The following SPHKAP variants were observed in gnomAD, a reference collection of about 807,000 sequenced individuals.
The protein encoded by SPHKAP is SPHK1 interactor, AKAP domain containing.
SPHKAP carries 67 observed loss-of-function variants against 137.5 expected under a neutral mutation model. The observed-to-expected ratio is 0.49, with a 90% CI of 0.40 to 0.60. SPHKAP has a LOEUF of 0.60. Among genes scored for constraint, SPHKAP ranks in the 20% least tolerant of loss-of-function variants. The pLI, the probability that SPHKAP is intolerant of heterozygous loss-of-function variation, is 0.00. For missense variants in SPHKAP, 2,097 were observed against 2,069.3 expected (o/e 1.01, Z -0.26); for synonymous variants, 813 against 785.3 (o/e 1.04, Z -0.59).
chr2:228,052,092 G>T (rs1166752710), intron 3 of SPHKAP, among the ~76,000 whole-genome samples: 4 of 152,002 alleles, frequency 2.6e-5, no homozygotes, highest in East Asian at 3.9e-4. Flanking sequence ...TATAATAAAA[G>T]GTGGTGTGGA....
rs541891077 is a variant in SPHKAP, at chr2:228,086,652, C to T, written c.246+22180G>A. 4.6e-5 allele frequency among the ~76,000 whole-genome samples: 7 copies of T among 152,210 alleles called. No individual in the cohort carries two copies. In the East Asian group the frequency reaches 9.7e-4, roughly 21 times the overall value. ...AGGTTCCACACTAAGAAAGTCAAAC[C>T]GGACCTCGGAGGATACCAGTCTACC... On this transcript the variant is annotated intron_variant, in intron 3 of 11. Coordinates refer to ENST00000392056, the MANE Select transcript of SPHKAP (RefSeq NM_001142644.2).
intron 1 of SPHKAP, among the ~76,000 whole-genome samples, chr2:228,177,483 G>C (rs1359569827): frequency 6.6e-6 from 1 of 152,148 alleles, no homozygotes. Context: ...ACTTGTCCCT[G>C]TTCCTCAACT....
chr2:228,028,672 GT>G (rs1695157191), intron 3 of SPHKAP, among the ~76,000 whole-genome samples: 1 of 152,170 alleles, frequency 6.6e-6, no homozygotes, highest in Admixed American at 6.5e-5. Context: ...TGCTGTACAG[GT>G]TTATAGCCTA....
At chr2:228,150,048 T>C (rs948427802) in intron 1 of SPHKAP, among the ~76,000 whole-genome samples, 10 of 152,222 alleles carry the variant, frequency 6.6e-5, no homozygotes, top group Admixed American at 5.9e-4. Context: ...AGATACTGTT[T>C]ATTAAGTTAA....
Position 228,002,999 on chromosome 2 carries a change from C to T in SPHKAP, c.4449-7305G>A, listed in dbSNP as rs548280314. On this transcript the variant is annotated intron_variant, in intron 7 of 11. Coordinates refer to ENST00000392056, the MANE Select transcript of SPHKAP (RefSeq NM_001142644.2). ...TGTAGTATAGTTTGAAGTCAGGCAG[C>T]GTGATGCCTCCAGCTTTGTTCTTTT... Among the ~76,000 whole-genome samples the T allele has an allele frequency of 8.7e-3, 1,329 of 152,248 alleles. 18 individuals carry two copies. Among genetic ancestry groups the T allele is most frequent in the African/African-American group, 0.021 (880 of 41,538 alleles).
intron 3 of SPHKAP, among the ~76,000 whole-genome samples, chr2:228,096,323 G>A (rs1697981676): frequency 6.6e-6 from 1 of 152,040 alleles, no homozygotes; most frequent in Admixed American, 6.6e-5. Flanking sequence ...CACTCTTTTG[G>A]TTGAGTTTTC....
intron 2 of SPHKAP, among the ~76,000 whole-genome samples, chr2:228,112,482 G>A (rs572397190): frequency 2.6e-5 from 4 of 152,204 alleles, no homozygotes; most frequent in South Asian, 2.1e-4. Flanking sequence ...GTCACTTATC[G>A]GTATCAGCCT....
chr2:227,981,521 G>T lies in SPHKAP; in HGVS notation c.*196C>A. On this transcript the variant is annotated 3_prime_UTR_variant, in exon 12 of 12. Transcript: ENST00000392056. ...GCTCTTTGGAACTCACCCACAAGTT[G>T]TATGAATTTGGACAGACCTATATTT... 2.0e-6 allele frequency: 1 copy of T among 489,742 alleles called. No individual in the cohort carries two copies. The highest frequency in any genetic ancestry group is 3.3e-6 in the Non-Finnish European group (1 of 299,864). 30.3% of individuals were successfully genotyped at this position (489,742 alleles called of 1,614,324 possible).
At chr2:228,099,781 G>A (rs916892629) in intron 3 of SPHKAP, among the ~76,000 whole-genome samples, 1 of 151,034 alleles carries the variant, frequency 6.6e-6, no homozygotes, top group Non-Finnish European at 1.5e-5. Flanking sequence ...GTGTGTGTTT[G>A]TGTGTGTGTG....
rs1219788185 is a variant in SPHKAP, at chr2:228,181,028, G to T, written c.32+539C>A. ...GGACTGTGGGACTGCAGGGGACCTA[G>T]GTGTTTTCTGCCCTGTCTTAAGATC... On this transcript the variant is annotated intron_variant, in intron 1 of 11. Coordinates refer to ENST00000392056, the MANE Select transcript of SPHKAP (RefSeq NM_001142644.2). This position sits in a 1 kb window ranked among gnomAD's most constrained non-coding sequence, Gnocchi z 4.3. Among the ~76,000 whole-genome samples, 1 of 152,048 alleles carries T rather than the reference G, an allele frequency of 6.6e-6. No individual in the cohort carries two copies. Among genetic ancestry groups the T allele is most frequent in the Non-Finnish European group, 1.5e-5 (1 of 68,012 alleles).
At chr2:228,062,742 CATA>C (rs1350012220) in intron 3 of SPHKAP, among the ~76,000 whole-genome samples, 1 of 152,000 alleles carries the variant, frequency 6.6e-6, no homozygotes, top group African/African-American at 2.4e-5. Flanking sequence ...AAAACAAAAT[CATA>C]ATATTAGAAA....
intron 1 of SPHKAP, among the ~76,000 whole-genome samples, chr2:228,153,360 T>C (rs1296418909): frequency 2.6e-5 from 4 of 152,224 alleles, no homozygotes; most frequent in South Asian, 2.1e-4. Context: ...ACACATCATA[T>C]CTGAGATTGT....
Position 228,093,602 on chromosome 2 carries a change from G to A in SPHKAP, c.246+15230C>T, listed in dbSNP as rs147068081. On this transcript the variant is annotated intron_variant, in intron 3 of 11. Transcript: ENST00000392056. ...TAGCCAGGTGTAGTGGCTCATACCT[G>A]TAATCACAGCACTTTGGGAGGCTGA... 4.0e-3 allele frequency among the ~76,000 whole-genome samples: 614 copies of A among 152,158 alleles called. 6 individuals carry two copies. The highest frequency in any genetic ancestry group is 0.014 in the African/African-American group (584 of 41,504).
rs146037008 is a variant in SPHKAP, at chr2:228,083,931, G to A, written c.246+24901C>T. Among the ~76,000 whole-genome samples the A allele has an allele frequency of 6.0e-3, 914 of 152,082 alleles. 15 individuals carry two copies. The highest frequency in any genetic ancestry group is 0.021 in the African/African-American group (856 of 41,442). On this transcript the variant is annotated intron_variant, in intron 3 of 11. Transcript: ENST00000392056. ...GGGATATCACACACTGGGGCCTGTT[G>A]TGGGGTGCAGGGCAAGGGGAGGGAG...
intron 2 of SPHKAP, among the ~76,000 whole-genome samples, chr2:228,126,831 G>T (rs1407263210): frequency 1.3e-5 from 2 of 152,128 alleles, no homozygotes; most frequent in Non-Finnish European, 2.9e-5. Flanking sequence ...TACTGCAGAG[G>T]AAATTTGAGG....
intron 3 of SPHKAP, among the ~76,000 whole-genome samples, chr2:228,081,379 G>T (rs1215722707): frequency 1.3e-5 from 2 of 152,094 alleles, no homozygotes; most frequent in Non-Finnish European, 2.9e-5. Flanking sequence ...TTTCTTCTAG[G>T]CATGTCCTTA....
rs1342727867 is a variant in SPHKAP at position 228,181,285 on chromosome 2, C to A, written c.32+282G>T. 2.6e-5 allele frequency among the ~76,000 whole-genome samples: 4 copies of A among 152,170 alleles called. No individual in the cohort carries two copies. The highest frequency in any genetic ancestry group is 1.9e-4 in the East Asian group (1 of 5,160). On this transcript the variant is annotated intron_variant, in intron 1 of 11. Coordinates refer to ENST00000392056, the MANE Select transcript of SPHKAP (RefSeq NM_001142644.2). The surrounding 1 kb of genome is among the most constrained non-coding windows in gnomAD (Gnocchi z 4.3). ...TGGCTCCACCTAGGGCAGAGCAGAC[C>A]TCCGTCCCTGGGCCTTAGAGGCGGG...
chr2:228,129,275 G>C (rs1367073476), intron 2 of SPHKAP, among the ~76,000 whole-genome samples: 1 of 152,194 alleles, frequency 6.6e-6, no homozygotes, highest in African/African-American at 2.4e-5. Flanking sequence ...CAATGGACTT[G>C]TTGGATGCAG....
At chr2:228,042,568 G>T (rs1179335122) in intron 3 of SPHKAP, among the ~76,000 whole-genome samples, 1 of 151,842 alleles carries the variant, frequency 6.6e-6, no homozygotes, top group Admixed American at 6.6e-5. Flanking sequence ...CTATAGATTT[G>T]TTTGTTCTGG....
Sources: gnomAD v4.1 joint callset for allele counts (sites outside exome capture counted in the v4.1 genomes callset) on GRCh38, gnomAD v4.1.1 for gene constraint, Gnocchi (gnomAD v3.1) non-coding constraint, MANE v1.5 for transcripts, NCBI Gene and HGNC (gene_info 2026-07-23, HGNC 2026-07-21) for gene names.